The following TRAPPC12 variants were observed in gnomAD, a reference collection of about 807,000 sequenced individuals.
TRAPPC12 encodes the protein TPR repeat protein 15.
TRAPPC12 carries 61 observed loss-of-function variants against 69.2 expected under a neutral mutation model. That is an observed-to-expected ratio of 0.88 (90% CI 0.72 to 1.09). The LOEUF is 1.09. Ranked by LOEUF, TRAPPC12 falls within the 50% of genes least tolerant of loss-of-function variation. The probability of loss-of-function intolerance (pLI) is 0.00; values close to 1 mark genes in which losing one functional copy is unlikely to be tolerated. For synonymous variants in TRAPPC12, 469 were observed against 438.9 expected (o/e 1.07, Z -0.86); for missense variants, 1,101 against 1,016.4 (o/e 1.08, Z -1.13).
chr2:3,422,299 G>A (rs1409114051), intron 4 of TRAPPC12, among the ~76,000 whole-genome samples: 1 of 152,156 alleles, frequency 6.6e-6, no homozygotes, highest in Non-Finnish European at 1.5e-5. Flanking sequence ...GGCCTGTGCG[G>A]GGCTCTGGGG....
Position 3,422,272 on chromosome 2 carries a change from G to A in TRAPPC12, c.1278+278G>A, listed in dbSNP as rs550470196. ...GGGTCAGCAGGTGGGTTCGCCTCACGACTGGCAGTAGCAACTGGCCTGTGC... is the reference window on the plus strand; with the variant it reads ...GGGTCAGCAGGTGGGTTCGCCTCACAACTGGCAGTAGCAACTGGCCTGTGC... On this transcript the variant is annotated intron_variant, in intron 4 of 11. Transcript: ENST00000324266. 3.6e-4 allele frequency among the ~76,000 whole-genome samples: 55 copies of A among 152,224 alleles called. 2 individuals are homozygous for A. In the South Asian group the frequency reaches 8.7e-3, roughly 24 times the overall value.
Position 3,388,290 on chromosome 2 carries a change from T to G in TRAPPC12, c.667T>G (p.Phe223Val), listed in dbSNP as rs1660610318. 2 of 1,607,714 alleles carry G rather than the reference T, an allele frequency of 1.2e-6. No individual in the cohort carries two copies. The highest frequency in any genetic ancestry group is 1.7e-6 in the Non-Finnish European group (2 of 1,177,008). Reference sequence around the variant, plus strand: ...CGCCAGCCACTCCTTGGCCTCGGACTTCTTCGACTCCTTTACTACCTCCGC... The same window carrying G: ...CGCCAGCCACTCCTTGGCCTCGGACGTCTTCGACTCCTTTACTACCTCCGC... ...TAASHSLASD[F>V]FDSFTTSAFI... is the part of the protein sequence containing the mutation. The change falls in exon 2 of 12, where the codon TTC (phenylalanine) becomes GTC (valine). Residue 223 changes from phenylalanine to valine, a missense_variant. Physicochemically the swap from Phe to Val is conservative, Grantham distance 50 (BLOSUM62 -1). Transcript: ENST00000324266.
chr2:3,450,216 C>T (rs915356625), intron 6 of TRAPPC12, among the ~76,000 whole-genome samples: 2 of 152,344 alleles, frequency 1.3e-5, no homozygotes, highest in Non-Finnish European at 2.9e-5. Context: ...CCCTTGCCAG[C>T]GACCCAGCCC....
chr2:3,463,368 C>A (rs1665614367), intron 8 of TRAPPC12, among the ~76,000 whole-genome samples: 1 of 151,798 alleles, frequency 6.6e-6, no homozygotes, highest in African/African-American at 2.4e-5. Flanking sequence ...GCTACTGTTG[C>A]TGAGCTGGTG....
intron 9 of TRAPPC12, chr2:3,466,352 C>T (rs942912252): frequency 8.5e-6 from 4 of 471,042 alleles, no homozygotes; most frequent in African/African-American, 6.0e-5. Flanking sequence ...GATGGCTGAG[C>T]GGGGAGAAGC....
chr2:3,405,973 A>C (rs1166190705), intron 3 of TRAPPC12, among the ~76,000 whole-genome samples: 1 of 152,144 alleles, frequency 6.6e-6, no homozygotes, highest in Admixed American at 6.5e-5. Flanking sequence ...CAGTTCCCAC[A>C]ACCCTGCTTC....
chr2:3,424,263 G>C (rs1001196049), intron 4 of TRAPPC12, among the ~76,000 whole-genome samples: 2 of 152,198 alleles, frequency 1.3e-5, no homozygotes, highest in Non-Finnish European at 2.9e-5. Context: ...ATGTTGCCCA[G>C]GCTGGACTCA....
chr2:3,427,020 C>G (rs1363953594), intron 5 of TRAPPC12, among the ~76,000 whole-genome samples: 2 of 152,134 alleles, frequency 1.3e-5, no homozygotes, highest in Non-Finnish European at 2.9e-5. Flanking sequence ...GAATGGGGAG[C>G]CTGTCACTTG....
chr2:3,436,929 C>A (rs530110604), intron 5 of TRAPPC12, among the ~76,000 whole-genome samples: 1 of 115,802 alleles, frequency 8.6e-6, no homozygotes, highest in African/African-American at 3.4e-5. Context: ...AATCCCCCCA[C>A]CACCCCTGGA....
At chr2:3,435,209 T>C (rs1377050814) in intron 5 of TRAPPC12, among the ~76,000 whole-genome samples, 1 of 152,064 alleles carries the variant, frequency 6.6e-6, no homozygotes, top group Non-Finnish European at 1.5e-5. Context: ...GACGGGGTTT[T>C]CGCCATGTTG....
intron 6 of TRAPPC12, among the ~76,000 whole-genome samples, chr2:3,446,205 TA>T: frequency 6.6e-6 from 1 of 152,228 alleles, no homozygotes; most frequent in Non-Finnish European, 1.5e-5. Context: ...TAAAGATACA[TA>T]TCTTTTCCAT....
chr2:3,434,944 C>T lies in TRAPPC12; in HGVS notation c.1418-8835C>T, dbSNP rs113469325. On this transcript the variant is annotated intron_variant, in intron 5 of 11. Transcript: ENST00000324266. ...TTTCCATCTGGACCGAGGGACTGGC[C>T]GGTGCAGCAGGAGGAGCCGATCACC... Among the ~76,000 whole-genome samples the T allele has an allele frequency of 1.2e-3, 180 of 152,340 alleles. 2 individuals are homozygous for T. The highest frequency in any genetic ancestry group is 4.0e-3 in the African/African-American group (168 of 41,574).
chr2:3,462,757 G>A (rs188653717), intron 8 of TRAPPC12: 3 of 372,100 alleles, frequency 8.1e-6, no homozygotes, highest in African/African-American at 6.3e-5. Context: ...CACCTGCACT[G>A]GCAGACCATA....
At chr2:3,400,818 C>T (rs1232415149) in intron 2 of TRAPPC12, among the ~76,000 whole-genome samples, 2 of 152,186 alleles carry the variant, frequency 1.3e-5, no homozygotes, top group Non-Finnish European at 2.9e-5. Flanking sequence ...TGCCGACTCC[C>T]GAGGGTCATG....
intron 5 of TRAPPC12, among the ~76,000 whole-genome samples, chr2:3,434,597 G>A (rs187040116): frequency 4.6e-5 from 7 of 152,172 alleles, no homozygotes; most frequent in Non-Finnish European, 8.8e-5. Context: ...TTGGGTCACC[G>A]CTGCTGTCTT....
In TRAPPC12 at chr2:3,388,588, C is replaced by A. The variant is rs781644053; in HGVS notation, c.965C>A (p.Ala322Asp). 1 of 1,610,830 alleles carries A rather than the reference C, an allele frequency of 6.2e-7. No homozygotes were observed. Among genetic ancestry groups the A allele is most frequent in the Non-Finnish European group, 8.5e-7 (1 of 1,178,640 alleles). ...PGEATRGVLR[A>D]VATQQRGAVF... ...GAGGCTACGCGTGGAGTCCTGCGGG[C>A]CGTGGCCACCCAGCAGCGCGGCGCC... Residue 322 changes from alanine to aspartate, a missense_variant, in exon 2 of 12, where the codon GCC (alanine) becomes GAC (aspartate). Coordinates refer to ENST00000324266, the MANE Select transcript of TRAPPC12 (RefSeq NM_016030.6).
chr2:3,435,316 G>A (rs1663698279), intron 5 of TRAPPC12, among the ~76,000 whole-genome samples: 1 of 152,174 alleles, frequency 6.6e-6, no homozygotes, highest in Admixed American at 6.5e-5. Context: ...GCCCAGCTGA[G>A]TTACTGTTAA....
At chr2:3,391,642 G>A (rs1027944460) in intron 2 of TRAPPC12, among the ~76,000 whole-genome samples, 2 of 152,174 alleles carry the variant, frequency 1.3e-5, no homozygotes, top group African/African-American at 2.4e-5. Flanking sequence ...AGAATATACT[G>A]AGCATAATTT....
In TRAPPC12 at chr2:3,463,308, G is replaced by A. The variant is rs556236308; in HGVS notation, c.1678-2289G>A. On this transcript the variant is annotated intron_variant, in intron 8 of 11. Coordinates refer to ENST00000324266, the MANE Select transcript of TRAPPC12 (RefSeq NM_016030.6). The stretch of plus-strand genomic sequence containing the variant: ...CCCCAGAATTCTTCCCCCAACTGCA[G>A]CCCGGACACACAGACACGTGTCATG... Among the ~76,000 whole-genome samples the A allele has an allele frequency of 2.0e-5, 3 of 152,066 alleles. No homozygotes were observed. In the South Asian group the frequency reaches 6.3e-4, roughly 32 times the overall value.
Sources: allele counts gnomAD v4.1 joint callset (sites outside exome capture counted in the v4.1 genomes callset), GRCh38; gene constraint gnomAD v4.1.1; transcripts MANE v1.5; gene names NCBI Gene and HGNC (gene_info 2026-07-23, HGNC 2026-07-21).